The following LTAP1 variants were observed in gnomAD, a reference collection of about 807,000 sequenced individuals.
The protein encoded by LTAP1 is HCV NS5A-transactivated protein 4.
At chr1:154,213,187 A>G in the LTAP1 span, 1 of 153,512 alleles carries the variant, frequency 6.5e-6, no homozygotes, top group Non-Finnish European at 1.4e-5. Flanking sequence ...GGTACCTGTA[A>G]TCCCAGCTAC....
At chr1:154,213,953 A>G in the LTAP1 span, 2 of 1,611,904 alleles carry the variant, frequency 1.2e-6, no homozygotes, top group East Asian at 4.5e-5. Context: ...CAACCTGTTG[A>G]GGAAAAGACT....
the LTAP1 span, chr1:154,220,545 C>T: frequency 4.6e-6 from 4 of 862,088 alleles, no homozygotes; most frequent in South Asian, 5.9e-5. Context: ...CCAAGCCAGA[C>T]CCGGCCTGAA....
the LTAP1 span, chr1:154,220,304 G>C: frequency 6.2e-7 from 1 of 1,611,410 alleles, no homozygotes. Flanking sequence ...TACTGGGTAA[G>C]ATGCGACAGC....
chr1:154,207,594 G>C, the LTAP1 span: 1 of 1,613,524 alleles, frequency 6.2e-7, no homozygotes, highest in Non-Finnish European at 8.5e-7. Context: ...ACTGAGTTAG[G>C]TCTTTGGCTG....
chr1:154,212,727 T>C, the LTAP1 span: 3 of 1,334,914 alleles, frequency 2.2e-6, no homozygotes, highest in East Asian at 4.9e-5. Context: ...GTGGCAGTGA[T>C]CTTGGCTCAC....
chr1:154,216,241 G>C, the LTAP1 span, among the ~76,000 whole-genome samples: 1 of 151,854 alleles, frequency 6.6e-6, no homozygotes, highest in East Asian at 1.9e-4. Flanking sequence ...CTGTTTTATC[G>C]TGTCACCCTA....
At chr1:154,220,228 A>T in the LTAP1 span, 1 of 1,323,530 alleles carries the variant, frequency 7.6e-7, no homozygotes, top group Non-Finnish European at 1.1e-6. Flanking sequence ...AAGGAGTCAA[A>T]GCCCGGATAG....
At chr1:154,214,599 C>A in the LTAP1 span, 1 of 1,458,758 alleles carries the variant, frequency 6.9e-7, no homozygotes, top group Non-Finnish European at 9.6e-7. Context: ...AAAGAATACA[C>A]AATCATTTAC....
chr1:154,213,093 G>C, the LTAP1 span: 2 of 159,076 alleles, frequency 1.3e-5, no homozygotes, highest in Non-Finnish European at 2.8e-5. Context: ...GATCACCTGA[G>C]GTCAGGAGTT....
At chr1:154,209,553 T>C in the LTAP1 span, among the ~76,000 whole-genome samples, 1 of 150,686 alleles carries the variant, frequency 6.6e-6, no homozygotes, top group African/African-American at 2.4e-5. Flanking sequence ...AGCTCCTGAG[T>C]AGCTGGGACT....
the LTAP1 span, chr1:154,207,741 AAT>A: frequency 1.0e-5 from 11 of 1,058,416 alleles, no homozygotes; most frequent in South Asian, 3.1e-5. Flanking sequence ...AATAGTCACA[AAT>A]AGTTATTTGT....
At chr1:154,219,768 G>T in the LTAP1 span, 1 of 1,160,138 alleles carries the variant, frequency 8.6e-7, no homozygotes, top group Non-Finnish European at 1.2e-6. Flanking sequence ...ACTAAAGGCA[G>T]AGGAAATCTC....
chr1:154,220,025 C>T, the LTAP1 span: 3 of 1,152,688 alleles, frequency 2.6e-6, no homozygotes, highest in African/African-American at 3.1e-5. Context: ...TTCCAAATCC[C>T]CAGATTCCGG....
At chr1:154,216,591 T>C in the LTAP1 span, among the ~76,000 whole-genome samples, 1 of 152,012 alleles carries the variant, frequency 6.6e-6, no homozygotes, top group South Asian at 2.1e-4. Flanking sequence ...TTGCAACCTC[T>C]GCCTGCTGGG....
the LTAP1 span, chr1:154,207,713 C>T: frequency 7.5e-7 from 1 of 1,336,134 alleles, no homozygotes; most frequent in Non-Finnish European, 1.0e-6. Flanking sequence ...AGGGCTTATC[C>T]CAGGCCATAA....
At chr1:154,214,615 A>C in the LTAP1 span, 76 of 1,315,826 alleles carry the variant, frequency 5.8e-5, no homozygotes, top group Non-Finnish European at 7.6e-5. Flanking sequence ...TTTACCCTGC[A>C]CTCTGCTTTC....
At chr1:154,220,254 TGGA>T in the LTAP1 span, 1 of 1,479,018 alleles carries the variant, frequency 6.8e-7, no homozygotes, top group East Asian at 2.3e-5. Flanking sequence ...GGTGAGTGGG[TGGA>T]GAATGCAGAC....
chr1:154,216,660 G>A, the LTAP1 span, among the ~76,000 whole-genome samples: 1 of 151,692 alleles, frequency 6.6e-6, no homozygotes, highest in East Asian at 2.0e-4. Context: ...GACTACAGGC[G>A]CATGCCACCA....
chr1:154,214,844 ATTTT>A, the LTAP1 span, among the ~76,000 whole-genome samples: 5 of 140,334 alleles, frequency 3.6e-5, no homozygotes, highest in Admixed American at 7.3e-5. Context: ...ATTATTTCCA[ATTTT>A]TTTTTTTTTT....
Sources: gnomAD v4.1 joint callset for allele counts (sites outside exome capture counted in the v4.1 genomes callset) on GRCh38, gnomAD v4.1.1 for gene constraint, MANE v1.5 for transcripts, NCBI Gene and HGNC (gene_info 2026-07-23, HGNC 2026-07-21) for gene names.